Variants in NMI observed in about 807,000 individuals in gnomAD.
NMI encodes the protein N-myc-interactor.
In NMI, 39 loss-of-function variants were observed where a neutral mutation model predicts 34.3. The ratio of observed to expected loss-of-function variants is 1.14; its 90% CI spans 0.88 to 1.49. The LOEUF (loss-of-function observed/expected upper bound fraction) is 1.49. NMI is among the 40% of genes most tolerant of loss of function. The pLI is 0.00. For missense variants in NMI, 339 were observed against 358.1 expected (o/e 0.95, Z 0.43); for synonymous variants, 113 against 120.3 (o/e 0.94, Z 0.40).
intron 7 of NMI, among the ~76,000 whole-genome samples, chr2:151,271,308 G>A (rs1306177330): frequency 6.6e-6 from 1 of 152,164 alleles, no homozygotes; most frequent in Non-Finnish European, 1.5e-5. Flanking sequence ...AGAGAAAGTA[G>A]GCAGGAATTC....
Position 151,278,925 on chromosome 2 carries a change from G to A in NMI, c.243C>T (p.Ser81=), listed in dbSNP as rs1005983372. 1.9e-6 allele frequency: 3 copies of A among 1,611,590 alleles called. No individual in the cohort carries two copies. The highest frequency in any genetic ancestry group is 2.5e-6 in the Non-Finnish European group (3 of 1,177,940). The change falls in exon 4 of 8, where the codon AGC becomes AGT. Residue 81 remains serine, a synonymous_variant. Transcript: ENST00000243346. ...FLSVETPEND[S]QLSNISCSFQ... ...ACGAACAGGAGATATTTGACAACTG[G>A]CTGTCATTCTCAGGAGTTTCAACTG...
chr2:151,289,209 C>A (rs1044121611), intron 1 of NMI: 2 of 133,408 alleles, frequency 1.5e-5, no homozygotes, highest in African/African-American at 5.7e-5. Context: ...GCCGAGATCG[C>A]GCCACTGCAC....
In NMI at chr2:151,275,687, TG is replaced by T. The variant is rs781255375; in HGVS notation, c.448-18del. On this transcript the variant is annotated intron_variant, in intron 5 of 7. Transcript: ENST00000243346. ...TACATAAACCTGGAAAATGATTTGATGTTCAGAAATATGGATGAGAGAAGTG... is the reference window on the plus strand; with the variant it reads ...TACATAAACCTGGAAAATGATTTGATTTCAGAAATATGGATGAGAGAAGTG... 1.2e-6 allele frequency: 2 copies of T among 1,613,026 alleles called. No homozygotes were observed. The highest frequency in any genetic ancestry group is 1.7e-6 in the Non-Finnish European group (2 of 1,179,096).
At chr2:151,283,231 C>T (rs1683439681) in intron 1 of NMI, among the ~76,000 whole-genome samples, 1 of 152,016 alleles carries the variant, frequency 6.6e-6, no homozygotes, top group African/African-American at 2.4e-5. Flanking sequence ...ACCTCTGCCT[C>T]CCAGGTTCAA....
intron 6 of NMI, 108 bp downstream of exon 6, chr2:151,275,376 C>T: frequency 1.0e-6 from 1 of 987,354 alleles, no homozygotes. Flanking sequence ...CCCCAATTAT[C>T]ATGCTAATAC....
In NMI at chr2:151,276,357, C is replaced by A. The variant is rs1405776469; in HGVS notation, c.341-493G>T. Among the ~76,000 whole-genome samples the A allele has an allele frequency of 2.0e-5, 3 of 152,106 alleles. No homozygotes were observed. In the East Asian group the frequency reaches 5.8e-4, roughly 29 times the overall value. On this transcript the variant is annotated intron_variant, in intron 4 of 7. Transcript: ENST00000243346. ...ATCAGGATGAGCCACTGCTCTTGGT[C>A]CCAAAGTAGAATATATTAATGTCAA...
At chr2:151,289,534 C>T (rs945809512) in intron 1 of NMI, 59 bp downstream of exon 1, 6 of 152,356 alleles carry the variant, frequency 3.9e-5, no homozygotes, top group Non-Finnish European at 7.3e-5. Context: ...ACCCCCGGCT[C>T]TCCAGCCCGG....
chr2:151,273,628 T>C (rs1374621113), intron 6 of NMI, among the ~76,000 whole-genome samples: 1 of 152,178 alleles, frequency 6.6e-6, no homozygotes, highest in Non-Finnish European at 1.5e-5. Flanking sequence ...GTTCAAGCAA[T>C]TCTCCTGCCT....
At chr2:151,275,907 T>G (rs761562478) in intron 4 of NMI, 43 bp from the exon 5 acceptor site, 2 of 1,223,906 alleles carry the variant, frequency 1.6e-6, no homozygotes, top group Admixed American at 4.3e-5. Flanking sequence ...TCCAATATTT[T>G]AAGAATTGTT....
intron 1 of NMI, among the ~76,000 whole-genome samples, chr2:151,283,595 T>G (rs1683446434): frequency 6.6e-6 from 1 of 152,244 alleles, no homozygotes; most frequent in Admixed American, 6.5e-5. Context: ...ATGAATACTA[T>G]TTTGGTTTTC....
At chr2:151,288,142 AT>A (rs1392488941) in intron 1 of NMI, among the ~76,000 whole-genome samples, 3 of 152,196 alleles carry the variant, frequency 2.0e-5, no homozygotes, top group African/African-American at 7.2e-5. Flanking sequence ...TCCCTCAAAG[AT>A]GTCCACATCT....
In NMI at chr2:151,275,511, C is replaced by T; in HGVS notation, c.607G>A (p.Ala203Thr). Reference protein sequence around the residue: ...RVDYDRQSGSAVITFVEIGVA... With the variant: ...RVDYDRQSGSTVITFVEIGVA... ...CCAATCTCCACAAACGTGATGACTG[C>T]ACTCCCGGACTGTCTGTCATAGTCC... is the stretch of plus-strand genomic sequence containing the variant. The change falls in exon 6 of 8, where the codon GCA becomes ACA. Residue 203 changes from alanine (A) to threonine (T), a missense_variant. By Grantham distance (58) the Ala-to-Thr change is moderately conservative. Coordinates refer to ENST00000243346, the MANE Select transcript of NMI (RefSeq NM_004688.3). 6.2e-7 allele frequency: 1 copy of T among 1,614,004 alleles called. No individual in the cohort carries two copies. The highest frequency in any genetic ancestry group is 8.5e-7 in the Non-Finnish European group (1 of 1,180,034).
In NMI at chr2:151,271,686, A is replaced by AT. The variant is rs756661707; in HGVS notation, c.680dup (p.Asn227LysfsTer6). 2 of 1,588,540 alleles carry AT rather than the reference A, an allele frequency of 1.3e-6. No individual in the cohort carries two copies. Among genetic ancestry groups the AT allele is most frequent in the South Asian group, 1.1e-5 (1 of 89,588 alleles). ...AAACAGTAACTCTATGGCAGGTTTG[A>AT]TTTATATAAAGAGGGTATTCTTTCT... is the stretch of plus-strand genomic sequence containing the variant. On this transcript the variant is annotated frameshift_variant, in exon 7 of 8. Transcript: ENST00000243346. LOFTEE classifies it high-confidence loss of function.
chr2:151,288,252 G>A (rs6744327), intron 1 of NMI, among the ~76,000 whole-genome samples: 35,704 of 152,184 alleles, frequency 0.23, 6,967 homozygotes, highest in African/African-American at 0.53. Context: ...TTTAAATATG[G>A]AGAGCATCCT....
rs1355831002 is a variant in NMI, at chr2:151,275,533, G to T, written c.585C>A (p.Asp195Glu). The change falls in exon 6 of 8, where the codon GAC becomes GAA. Residue 195 changes from aspartate (D) to glutamate (E), a missense_variant. Asp to Glu is a conservative substitution (Grantham distance 45, BLOSUM62 2). Transcript: ENST00000243346. ...CTGCACTCCCGGACTGTCTGTCATA[G>T]TCCACGCGGTCCACCTCTCCGCCTC... ...RNGGGEVDRV[D>E]YDRQSGSAVI... 1.9e-6 allele frequency: 3 copies of T among 1,614,120 alleles called. No individual in the cohort carries two copies. Among genetic ancestry groups the T allele is most frequent in the East Asian group, 4.5e-5 (2 of 44,888 alleles).
intron 1 of NMI, among the ~76,000 whole-genome samples, chr2:151,283,347 G>C (rs918637463): frequency 6.6e-6 from 1 of 151,898 alleles, no homozygotes; most frequent in Admixed American, 6.6e-5. Flanking sequence ...TCACCATGTC[G>C]GTCAGGCTGG....
Position 151,282,008 on chromosome 2 carries a change from T to G in NMI, c.117A>C (p.Gln39His), listed in dbSNP as rs3771886. ...LIDEITKKNI[Q>H]LKKEIQKLET... The stretch of plus-strand genomic sequence containing the variant: ...CAAGCTTTTGGATCTCCTTCTTTAG[T>G]TGAATATTTTTCTTTGTAATTTCAT... Residue 39 changes from glutamine to histidine, a missense_variant, in exon 3 of 8, where the codon CAA becomes CAC. By Grantham distance (24) the Gln-to-His change is conservative. Coordinates refer to ENST00000243346, the MANE Select transcript of NMI (RefSeq NM_004688.3). 23 of 1,539,456 alleles carry G rather than the reference T, an allele frequency of 1.5e-5. No individual in the cohort carries two copies. Among genetic ancestry groups the G allele is most frequent in the Non-Finnish European group, 2.0e-5 (22 of 1,115,992 alleles).
chr2:151,286,082 A>C (rs1271816701), intron 1 of NMI, among the ~76,000 whole-genome samples: 1 of 152,250 alleles, frequency 6.6e-6, no homozygotes, highest in Non-Finnish European at 1.5e-5. Context: ...ATGTTTATTA[A>C]TTTCAAAGAA....
chr2:151,275,664 C>A lies in NMI; in HGVS notation c.454G>T (p.Val152Leu). The A allele has an allele frequency of 6.2e-7, 1 of 1,613,942 alleles. No individual in the cohort carries two copies. Among genetic ancestry groups the A allele is most frequent in the South Asian group, 1.1e-5 (1 of 91,074 alleles). The change falls in exon 6 of 8, where the codon GTA (valine) becomes TTA (leucine). Residue 152 changes from valine to leucine, a missense_variant. Transcript: ENST00000243346. ...TTGATTTTCATTTTAGAAACTTCTA[C>A]ATAAACCTGGAAAATGATTTGATGT... is the stretch of plus-strand genomic sequence containing the variant. Reference protein sequence around the residue: ...LNSGVRFQVYVEVSKMKINVT... With the variant: ...LNSGVRFQVYLEVSKMKINVT...
Sources: gnomAD v4.1 joint callset for allele counts (sites outside exome capture counted in the v4.1 genomes callset) on GRCh38, gnomAD v4.1.1 for gene constraint, MANE v1.5 for transcripts, NCBI Gene and HGNC (gene_info 2026-07-23, HGNC 2026-07-21) for gene names.